The following MACROD2 variants were observed in gnomAD, a reference collection of about 807,000 sequenced individuals.
MACROD2 encodes the protein ADP-ribose glycohydrolase MACROD2.
A neutral mutation model predicts 70.4 loss-of-function variants in MACROD2; 36 were observed. The observed-to-expected ratio is 0.51, with a 90% CI of 0.39 to 0.68. The LOEUF is 0.68. Among genes scored for constraint, MACROD2 ranks in the 30% least tolerant of loss-of-function variants. MACROD2 has a pLI of 0.00. For missense variants in MACROD2, 496 were observed against 538.4 expected, an observed-to-expected ratio of 0.92 and a Z score of 0.78; for synonymous variants, 172 against 178.8, an observed-to-expected ratio of 0.96 and a Z score of 0.30.
intron 5 of MACROD2, among the ~76,000 whole-genome samples, chr20:15,220,591 G>T (rs1324758734): frequency 6.6e-6 from 1 of 152,216 alleles, no homozygotes; most frequent in Non-Finnish European, 1.5e-5. Context: ...AAATGTTCGT[G>T]TTCAAAGTCA....
At chr20:15,521,885 A>G (rs1266861253) in intron 8 of MACROD2, among the ~76,000 whole-genome samples, 1 of 152,234 alleles carries the variant, frequency 6.6e-6, no homozygotes, top group Non-Finnish European at 1.5e-5. Flanking sequence ...TGAAGGAGCC[A>G]AGTCAGTTCG....
chr20:15,025,212 A>G (rs573097701), intron 5 of MACROD2, among the ~76,000 whole-genome samples: 115 of 152,146 alleles, frequency 7.6e-4, no homozygotes, highest in Middle Eastern at 3.4e-3. Context: ...ATATTTTATA[A>G]TTTTTATTGT....
At chr20:15,877,318 T>A (rs187258548) in intron 9 of MACROD2, among the ~76,000 whole-genome samples, 8 of 152,262 alleles carry the variant, frequency 5.3e-5, no homozygotes, top group African/African-American at 1.9e-4. Flanking sequence ...CTGTAACTGA[T>A]GCTATAATGT....
At chr20:15,957,451 T>C (rs1207859586) in intron 12 of MACROD2, among the ~76,000 whole-genome samples, 1 of 152,190 alleles carries the variant, frequency 6.6e-6, no homozygotes, top group Non-Finnish European at 1.5e-5. Context: ...ACCCACTTCA[T>C]ACGTCTCTAG....
intron 5 of MACROD2, among the ~76,000 whole-genome samples, chr20:14,923,376 A>G (rs1047318997): frequency 6.6e-6 from 1 of 152,118 alleles, no homozygotes; most frequent in Non-Finnish European, 1.5e-5. Flanking sequence ...CTGCCTACTC[A>G]GTATCTCCAC....
At chr20:15,040,100 C>G (rs2075343812) in intron 5 of MACROD2, among the ~76,000 whole-genome samples, 1 of 152,120 alleles carries the variant, frequency 6.6e-6, no homozygotes, top group South Asian at 2.1e-4. Context: ...GAGGTGATCT[C>G]ATAGCTTTGA....
At chr20:14,278,029 A>G (rs1266756108) in intron 3 of MACROD2, among the ~76,000 whole-genome samples, 1 of 152,202 alleles carries the variant, frequency 6.6e-6, no homozygotes, top group Admixed American at 6.5e-5. Flanking sequence ...AAATATTTGG[A>G]AAGGGCTTCC....
At chr20:14,771,670 CATAT>C (rs371522214) in intron 5 of MACROD2, among the ~76,000 whole-genome samples, 1,899 of 133,538 alleles carry the variant, frequency 0.014, 58 homozygotes, top group African/African-American at 0.045. Flanking sequence ...CACACACACA[CATAT>C]ATATATATAT....
intron 5 of MACROD2, among the ~76,000 whole-genome samples, chr20:15,175,145 G>A (rs1202142982): frequency 6.6e-6 from 1 of 151,826 alleles, no homozygotes; most frequent in African/African-American, 2.4e-5. Flanking sequence ...GGATGAAATT[G>A]GAAATCATCA....
chr20:15,849,321 G>GCTCAAATGCT (rs1198431822), intron 8 of MACROD2, among the ~76,000 whole-genome samples: 7 of 152,174 alleles, frequency 4.6e-5, no homozygotes, highest in Admixed American at 6.5e-5. Context: ...GAGAAAAACA[G>GCTCAAATGCT]CTTTTGTCCT....
chr20:14,504,221 ATAAC>A (rs754588383), intron 4 of MACROD2, among the ~76,000 whole-genome samples: 3 of 152,248 alleles, frequency 2.0e-5, no homozygotes, highest in Non-Finnish European at 4.4e-5. Flanking sequence ...AATAATGGTA[ATAAC>A]TAACGTTTAT....
At chr20:15,088,132 A>G (rs1353920712) in intron 5 of MACROD2, among the ~76,000 whole-genome samples, 1 of 151,814 alleles carries the variant, frequency 6.6e-6, no homozygotes, top group Non-Finnish European at 1.5e-5. Flanking sequence ...GCCAGTGCTC[A>G]TTTGCATAAC....
intron 4 of MACROD2, among the ~76,000 whole-genome samples, chr20:14,671,125 C>T (rs1170949809): frequency 6.6e-6 from 1 of 152,036 alleles, no homozygotes; most frequent in Non-Finnish European, 1.5e-5. Context: ...GATTCTGTTA[C>T]CAGGGAAAAT....
intron 5 of MACROD2, among the ~76,000 whole-genome samples, chr20:14,847,741 A>G (rs2073159132): frequency 6.6e-6 from 1 of 152,128 alleles, no homozygotes; most frequent in South Asian, 2.1e-4. Context: ...GTGAATTTAA[A>G]TAGTTTTAGA....
intron 6 of MACROD2, among the ~76,000 whole-genome samples, chr20:15,390,258 G>A (rs2045774592): frequency 6.6e-6 from 1 of 152,110 alleles, no homozygotes; most frequent in African/African-American, 2.4e-5. Context: ...CTGCCATTAA[G>A]GTCCCAGGTC....
intron 5 of MACROD2, among the ~76,000 whole-genome samples, chr20:14,923,241 C>T (rs2074185676): frequency 6.6e-6 from 1 of 152,148 alleles, no homozygotes; most frequent in Non-Finnish European, 1.5e-5. Context: ...AGTCCTTGAA[C>T]TCCTTACCTA....
chr20:14,789,179 A>G (rs1361314636), intron 5 of MACROD2, among the ~76,000 whole-genome samples: 1 of 152,018 alleles, frequency 6.6e-6, no homozygotes, highest in Admixed American at 6.6e-5. Flanking sequence ...ATTTAGGCCT[A>G]TATCGAAACC....
At chr20:15,316,162 A>G (rs2077808813) in intron 6 of MACROD2, among the ~76,000 whole-genome samples, 1 of 152,088 alleles carries the variant, frequency 6.6e-6, no homozygotes, top group African/African-American at 2.4e-5. Flanking sequence ...TAAGGAACAA[A>G]AAAAGTATAA....
rs190362102 is a variant in MACROD2, at chr20:15,127,397, A to T, written c.419-102543A>T. On this transcript the variant is annotated intron_variant, in intron 5 of 17. Coordinates refer to ENST00000684519, the MANE Select transcript of MACROD2 (RefSeq NM_001351661.2). ...TACTGCTGCATAACAAATTACTCTC[A>T]AACTTAGTTGCTGAAAATAATAAAT... 5.9e-5 allele frequency among the ~76,000 whole-genome samples: 9 copies of T among 152,276 alleles called. No homozygotes were observed. The East Asian group carries it at 1.7e-3, about 29-fold the overall frequency.
Sources: gnomAD v4.1 joint callset for allele counts (sites outside exome capture counted in the v4.1 genomes callset) on GRCh38, gnomAD v4.1.1 for gene constraint, MANE v1.5 for transcripts, NCBI Gene and HGNC (gene_info 2026-07-23, HGNC 2026-07-21) for gene names.